The following FAF1 variants were observed in gnomAD, a reference collection of about 807,000 sequenced individuals.
The protein encoded by FAF1 is FAS-associated factor 1.
Under a neutral mutation model 92.5 loss-of-function variants are expected in FAF1, and 25 were observed. The ratio of observed to expected loss-of-function variants is 0.27; its 90% CI spans 0.20 to 0.38. The LOEUF is 0.38. Ranked by LOEUF, FAF1 falls within the 10% of genes least tolerant of loss-of-function variation. The pLI is 1.00. For missense variants in FAF1, 636 were observed against 793.3 expected, an observed-to-expected ratio of 0.80 and a Z score of 2.38; for synonymous variants, 234 against 273.2, an observed-to-expected ratio of 0.86 and a Z score of 1.42.
At chr1:50,700,745 G>A (rs1657438025) in intron 7 of FAF1, among the ~76,000 whole-genome samples, 2 of 152,048 alleles carry the variant, frequency 1.3e-5, no homozygotes, top group African/African-American at 2.4e-5. Context: ...GCTAAAGACT[G>A]TTCTTAATTC....
At chr1:50,675,609 C>T (rs1447336361) in intron 7 of FAF1, among the ~76,000 whole-genome samples, 3 of 152,164 alleles carry the variant, frequency 2.0e-5, no homozygotes, top group African/African-American at 7.2e-5. Flanking sequence ...TGTGAAACCT[C>T]CTAACTTTTA....
chr1:50,810,386 T>C (rs1643893446), intron 2 of FAF1, among the ~76,000 whole-genome samples: 1 of 152,216 alleles, frequency 6.6e-6, no homozygotes, highest in Admixed American at 6.5e-5. Context: ...CCATCCTTCA[T>C]GTTAAAAAAC....
At chr1:50,560,705 A>G (rs1189043536) in intron 13 of FAF1, among the ~76,000 whole-genome samples, 1 of 152,238 alleles carries the variant, frequency 6.6e-6, no homozygotes, top group Admixed American at 6.5e-5. Flanking sequence ...GCACTATTCC[A>G]GTCAAATTCA....
chr1:50,630,085 A>G (rs1255300843), intron 8 of FAF1, among the ~76,000 whole-genome samples: 2 of 152,172 alleles, frequency 1.3e-5, no homozygotes, highest in Non-Finnish European at 2.9e-5. Context: ...ACGTTCAGCA[A>G]AATGCCTAGA....
intron 8 of FAF1, among the ~76,000 whole-genome samples, chr1:50,608,620 TGAA>T (rs1423044287): frequency 1.3e-5 from 2 of 152,222 alleles, no homozygotes; most frequent in African/African-American, 2.4e-5. Flanking sequence ...AGTGTCTTAC[TGAA>T]GAAGGAGAAG....
intron 7 of FAF1, among the ~76,000 whole-genome samples, chr1:50,697,238 G>A (rs758346402): frequency 3.3e-5 from 5 of 152,134 alleles, no homozygotes; most frequent in Non-Finnish European, 7.4e-5. Flanking sequence ...AATTGATTGT[G>A]GAAGAATAGT....
intron 9 of FAF1, among the ~76,000 whole-genome samples, chr1:50,587,210 T>A (rs995865029): frequency 6.6e-6 from 1 of 152,212 alleles, no homozygotes; most frequent in African/African-American, 2.4e-5. Context: ...AGGACCTTAC[T>A]TCATACTAAG....
chr1:50,868,965 C>A (rs919818266), intron 1 of FAF1, among the ~76,000 whole-genome samples: 11 of 152,072 alleles, frequency 7.2e-5, no homozygotes, highest in Admixed American at 5.9e-4. Context: ...ACTGATTCTA[C>A]TTGTTCTATT....
At chr1:50,913,067 A>G (rs1057018823) in intron 1 of FAF1, among the ~76,000 whole-genome samples, 1 of 152,234 alleles carries the variant, frequency 6.6e-6, no homozygotes, top group African/African-American at 2.4e-5. Context: ...AAAAACACTT[A>G]TAAAAATGCT....
At chr1:50,542,494 T>TA (rs1334518411) in intron 13 of FAF1, among the ~76,000 whole-genome samples, 1 of 152,172 alleles carries the variant, frequency 6.6e-6, no homozygotes, top group Non-Finnish European at 1.5e-5. Context: ...CATTTAAAGA[T>TA]AAAATGCATG....
At position 50,534,610 on chromosome 1, in the gene FAF1, T is replaced by A. The variant is rs200870062; in HGVS notation, c.1494+759A>T. On this transcript the variant is annotated intron_variant, in intron 15 of 18. Coordinates refer to ENST00000396153, the MANE Select transcript of FAF1 (RefSeq NM_007051.3). ...TTTTTGAAAACCCTGCCCACATCTT[T>A]AAAAATGGTCACCTTATTAAACTCT... Among the ~76,000 whole-genome samples, 7 of 152,086 alleles carry A rather than the reference T, an allele frequency of 4.6e-5. No individual in the cohort carries two copies. In the East Asian group the frequency reaches 1.3e-3, roughly 29 times the overall value.
intron 3 of FAF1, among the ~76,000 whole-genome samples, chr1:50,797,590 T>G (rs1487207865): frequency 6.6e-6 from 1 of 152,062 alleles, no homozygotes; most frequent in East Asian, 1.9e-4. Flanking sequence ...TCCCAGCTAC[T>G]CAGGGGGCTG....
intron 7 of FAF1, among the ~76,000 whole-genome samples, chr1:50,673,614 T>C (rs1328661101): frequency 6.6e-6 from 1 of 152,186 alleles, no homozygotes; most frequent in Non-Finnish European, 1.5e-5. Context: ...AGATACGTGC[T>C]GTGATGGGTG....
intron 8 of FAF1, among the ~76,000 whole-genome samples, chr1:50,652,431 A>G (rs115014241): frequency 0.013 from 1,985 of 152,314 alleles, 43 homozygotes; most frequent in African/African-American, 0.044. Flanking sequence ...GACTTTGCCT[A>G]TCATTCTTGG....
At chr1:50,737,354 C>T (rs759370270) in intron 6 of FAF1, among the ~76,000 whole-genome samples, 9 of 152,166 alleles carry the variant, frequency 5.9e-5, no homozygotes, top group Admixed American at 1.3e-4. Flanking sequence ...AATCACGCTA[C>T]TGGAAAGCAA....
chr1:50,468,377 C>A (rs1646526272), intron 18 of FAF1, among the ~76,000 whole-genome samples: 1 of 151,994 alleles, frequency 6.6e-6, no homozygotes, highest in Non-Finnish European at 1.5e-5. Context: ...ACTGCAACCT[C>A]CGCCTCCCAG....
chr1:50,837,644 T>C (rs991633487), intron 2 of FAF1, among the ~76,000 whole-genome samples: 1 of 152,154 alleles, frequency 6.6e-6, no homozygotes, highest in Non-Finnish European at 1.5e-5. Flanking sequence ...GATCTAACAT[T>C]GACCTATAAA....
chr1:50,611,776 G>A (rs1164560168), intron 8 of FAF1, among the ~76,000 whole-genome samples: 5 of 152,012 alleles, frequency 3.3e-5, no homozygotes, highest in East Asian at 1.9e-4. Flanking sequence ...AATACCCACC[G>A]TACATTACTT....
intron 13 of FAF1, among the ~76,000 whole-genome samples, chr1:50,543,541 G>A (rs779207140): frequency 4.3e-4 from 65 of 152,292 alleles, no homozygotes; most frequent in Admixed American, 2.6e-3. Flanking sequence ...TTAAGATACA[G>A]AAAACACTTG....
Sources: gnomAD v4.1 joint callset for allele counts (sites outside exome capture counted in the v4.1 genomes callset) on GRCh38, gnomAD v4.1.1 for gene constraint, MANE v1.5 for transcripts, NCBI Gene and HGNC (gene_info 2026-07-23, HGNC 2026-07-21) for gene names.